Variants in SUGCT observed in about 807,000 individuals in gnomAD.
The protein encoded by SUGCT is succinyl-CoA:glutarate CoA-transferase.
Under a neutral mutation model 55.0 loss-of-function variants are expected in SUGCT, and 41 were observed. The observed-to-expected ratio is 0.74, with a 90% CI of 0.58 to 0.97. The LOEUF (loss-of-function observed/expected upper bound fraction) is 0.97. Ranked by LOEUF, SUGCT falls within the 50% of genes least tolerant of loss-of-function variation. The pLI is 0.00. For missense variants in SUGCT, 568 were observed against 547.8 expected, an observed-to-expected ratio of 1.04 and a Z score of -0.37; for synonymous variants, 187 against 200.4, an observed-to-expected ratio of 0.93 and a Z score of 0.56.
the SUGCT span, among the ~76,000 whole-genome samples, chr7:41,033,012 T>C: frequency 1.3e-5 from 2 of 152,338 alleles, no homozygotes; most frequent in South Asian, 2.1e-4. Flanking sequence ...TCCACCCACC[T>C]TGGCCTTCCA....
chr7:40,968,548 G>C, the SUGCT span, among the ~76,000 whole-genome samples: 45 of 152,204 alleles, frequency 3.0e-4, no homozygotes, highest in African/African-American at 1.0e-3. Context: ...TGCCCAAACT[G>C]TGATCAGCCA....
intron 9 of SUGCT, among the ~76,000 whole-genome samples, chr7:40,446,078 A>G (rs934987299): frequency 5.9e-5 from 9 of 152,138 alleles, no homozygotes; most frequent in Admixed American, 1.3e-4. Flanking sequence ...AGGGCATGCC[A>G]TCCTTCAGGA....
At chr7:40,250,498 C>T (rs79992432) in intron 7 of SUGCT, among the ~76,000 whole-genome samples, 2,713 of 152,042 alleles carry the variant, frequency 0.018, 77 homozygotes, top group African/African-American at 0.062. Context: ...AAATTATCCT[C>T]ATCTCATCAG....
At chr7:40,638,525 G>T (rs1316468652) in intron 12 of SUGCT, among the ~76,000 whole-genome samples, 3 of 152,128 alleles carry the variant, frequency 2.0e-5, no homozygotes, top group Non-Finnish European at 4.4e-5. Flanking sequence ...CTGAACACAT[G>T]TTCCAAGGTG....
intron 11 of SUGCT, among the ~76,000 whole-genome samples, chr7:40,466,331 T>C (rs1282497223): frequency 6.6e-6 from 1 of 152,192 alleles, no homozygotes; most frequent in African/African-American, 2.4e-5. Context: ...AATCTTTCAG[T>C]CCTCCATGTT....
rs141004614 is a variant in SUGCT, at chr7:40,277,538, A to G, written c.720+2882A>G. ...TTCTGTTTCTTTATTCATAAATTCT[A>G]TTAGGTGATGGTCTTTTAAGGCAAA... On this transcript the variant is annotated intron_variant, in intron 8 of 13. Coordinates refer to ENST00000335693, the MANE Select transcript of SUGCT (RefSeq NM_001193313.2). Among the ~76,000 whole-genome samples the G allele has an allele frequency of 4.5e-3, 691 of 152,066 alleles. 1 individual carries two copies. The highest frequency in any genetic ancestry group is 0.016 in the African/African-American group (666 of 41,488).
intron 9 of SUGCT, among the ~76,000 whole-genome samples, chr7:40,384,408 C>G (rs537434566): frequency 6.6e-6 from 1 of 152,128 alleles, no homozygotes; most frequent in Non-Finnish European, 1.5e-5. Context: ...AAAGGCTTCA[C>G]GGATATGTGG....
At chr7:40,185,423 C>T (rs1785444454) in intron 3 of SUGCT, among the ~76,000 whole-genome samples, 1 of 152,166 alleles carries the variant, frequency 6.6e-6, no homozygotes, top group Non-Finnish European at 1.5e-5. Context: ...TTAGTTTCCA[C>T]CATGGAAACT....
chr7:40,269,868 C>T (rs576122911), intron 7 of SUGCT, among the ~76,000 whole-genome samples: 2 of 151,992 alleles, frequency 1.3e-5, no homozygotes, highest in East Asian at 3.9e-4. Flanking sequence ...TGGGTGTGAT[C>T]GCTCATGCCT....
chr7:40,836,974 G>A (rs188969482), intron 13 of SUGCT, among the ~76,000 whole-genome samples: 1 of 152,096 alleles, frequency 6.6e-6, no homozygotes, highest in East Asian at 1.9e-4. Flanking sequence ...TTGCTATATC[G>A]TATAGTCAAT....
intron 12 of SUGCT, among the ~76,000 whole-genome samples, chr7:40,531,801 G>A (rs963780398): frequency 1.3e-5 from 2 of 151,654 alleles, no homozygotes; most frequent in African/African-American, 4.8e-5. Flanking sequence ...AGCCTCCCGA[G>A]TAGCGGGGAC....
At chr7:40,856,834 A>G (rs1163427674) in intron 13 of SUGCT, among the ~76,000 whole-genome samples, 1 of 152,230 alleles carries the variant, frequency 6.6e-6, no homozygotes, top group Non-Finnish European at 1.5e-5. Flanking sequence ...GGATTGCACC[A>G]ATTTACACTC....
intron 13 of SUGCT, among the ~76,000 whole-genome samples, chr7:40,777,659 C>G (rs1789531019): frequency 6.6e-6 from 1 of 152,080 alleles, no homozygotes; most frequent in Non-Finnish European, 1.5e-5. Context: ...GCTGGGTCTG[C>G]TTGGGACTGG....
chr7:40,805,617 T>C (rs1791051216), intron 13 of SUGCT, among the ~76,000 whole-genome samples: 1 of 152,228 alleles, frequency 6.6e-6, no homozygotes, highest in Admixed American at 6.5e-5. Context: ...GCTGTTTCAC[T>C]GTCTGGAAGC....
At chr7:40,837,394 T>C (rs1793043764) in intron 13 of SUGCT, among the ~76,000 whole-genome samples, 1 of 152,186 alleles carries the variant, frequency 6.6e-6, no homozygotes, top group Non-Finnish European at 1.5e-5. Flanking sequence ...CTTCATCTCC[T>C]TAACATGATC....
chr7:40,701,990 A>T (rs1233719472), intron 12 of SUGCT, among the ~76,000 whole-genome samples: 5 of 152,192 alleles, frequency 3.3e-5, no homozygotes, highest in Admixed American at 3.3e-4. Flanking sequence ...AGAAATGCAT[A>T]AGAAACTCAC....
chr7:40,617,453 T>G (rs748742392), intron 12 of SUGCT, among the ~76,000 whole-genome samples: 1 of 151,334 alleles, frequency 6.6e-6, no homozygotes, highest in Non-Finnish European at 1.5e-5. Flanking sequence ...AGTAAAATTC[T>G]GATTCAACTG....
intron 12 of SUGCT, among the ~76,000 whole-genome samples, chr7:40,554,704 A>T (rs1795472074): frequency 6.6e-6 from 1 of 152,150 alleles, no homozygotes; most frequent in Non-Finnish European, 1.5e-5. Flanking sequence ...CATATTCTTA[A>T]TTTATGTCAT....
the SUGCT span, among the ~76,000 whole-genome samples, chr7:40,922,607 G>T: frequency 6.6e-6 from 1 of 152,170 alleles, no homozygotes; most frequent in African/African-American, 2.4e-5. Flanking sequence ...AATCAACAAT[G>T]ACTGTAGCTT....
Sources: gnomAD v4.1 joint callset for allele counts (sites outside exome capture counted in the v4.1 genomes callset) on GRCh38, gnomAD v4.1.1 for gene constraint, MANE v1.5 for transcripts, NCBI Gene and HGNC (gene_info 2026-07-23, HGNC 2026-07-21) for gene names.